RALGAPB: variants seen among roughly 807,000 people sequenced by gnomAD.
The protein encoded by RALGAPB is ral GTPase-activating protein subunit beta.
In RALGAPB, 25 loss-of-function variants were observed where a neutral mutation model predicts 161.1. The ratio of observed to expected loss-of-function variants is 0.16; its 90% CI spans 0.11 to 0.22. The LOEUF is 0.22. Among genes scored for constraint, RALGAPB ranks in the 10% least tolerant of loss-of-function variants. The pLI is 1.00. For synonymous variants in RALGAPB, 629 were observed against 626.1 expected (o/e 1.00, Z -0.07); for missense variants, 1,391 against 1,815.2 (o/e 0.77, Z 4.25).
chr20:38,515,558 A>G (rs2086099854), intron 6 of RALGAPB, among the ~76,000 whole-genome samples: 1 of 152,224 alleles, frequency 6.6e-6, no homozygotes, highest in African/African-American at 2.4e-5. Context: ...TTTGAAATTT[A>G]TGGCTTTAGT....
Position 38,546,398 on chromosome 20 carries a change from C to A in RALGAPB, c.2870C>A (p.Ala957Glu). 6.2e-7 allele frequency: 1 copy of A among 1,614,026 alleles called. No homozygotes were observed. The highest frequency in any genetic ancestry group is 8.5e-7 in the Non-Finnish European group (1 of 1,179,954). Residue 957 changes from alanine (A) to glutamate (E), a missense_variant, in exon 19 of 30, where the codon GCA (alanine) becomes GAA (glutamate). Around this residue, in one of 3 missense-constraint regions of RALGAPB, gnomAD observed 946 missense variants for 1,257.2 expected, o/e 0.75. Coordinates refer to ENST00000262879, the MANE Select transcript of RALGAPB (RefSeq NM_020336.4). ...GTCTTGGATAACAGTGTCATCCTGG[C>A]AATGCTGGAACAACCTCTTGGAAAT... ...YFVLDNSVIL[A>E]MLEQPLGNEQ... is the part of the protein sequence containing the mutation.
chr20:38,525,053 A>T, intron 11 of RALGAPB, 108 bp downstream of exon 11: 2 of 1,121,650 alleles, frequency 1.8e-6, no homozygotes, highest in East Asian at 4.7e-5. Flanking sequence ...TTCATAGTCC[A>T]AGAGAACTCA....
intron 29 of RALGAPB, 86 bp from the exon 30 acceptor site, chr20:38,574,688 C>A (rs905881850): frequency 2.3e-6 from 3 of 1,307,458 alleles, no homozygotes; most frequent in African/African-American, 3.0e-5. Context: ...TTTGAGTATG[C>A]GGAGAATAGT....
intron 3 of RALGAPB, among the ~76,000 whole-genome samples, chr20:38,494,757 A>T (rs1361887029): frequency 6.6e-6 from 1 of 152,236 alleles, no homozygotes; most frequent in African/African-American, 2.4e-5. Context: ...TTAGGAGCCT[A>T]CTAGGCTTTT....
At chr20:38,503,684 GA>G (rs1268378161) in intron 5 of RALGAPB, among the ~76,000 whole-genome samples, 3 of 152,234 alleles carry the variant, frequency 2.0e-5, no homozygotes, top group African/African-American at 7.2e-5. Flanking sequence ...AGTAATGGCA[GA>G]GTTTGAGAGG....
intron 18 of RALGAPB, among the ~76,000 whole-genome samples, chr20:38,542,988 C>T (rs2087023144): frequency 6.6e-6 from 1 of 152,136 alleles, no homozygotes; most frequent in African/African-American, 2.4e-5. Flanking sequence ...AAGCTTGCTC[C>T]ATCCTAGCCT....
At chr20:38,551,671 C>T (rs1156364657) in intron 21 of RALGAPB, among the ~76,000 whole-genome samples, 1 of 152,100 alleles carries the variant, frequency 6.6e-6, no homozygotes, top group Non-Finnish European at 1.5e-5. Flanking sequence ...AGATTTTGAG[C>T]TTGAGTGACA....
At chr20:38,535,021 A>G in intron 15 of RALGAPB, 53 bp from the exon 16 acceptor site, 1 of 1,580,386 alleles carries the variant, frequency 6.3e-7, no homozygotes, top group Non-Finnish European at 8.7e-7. Flanking sequence ...CTCGTTACTA[A>G]TGCTTAGTTG....
At chr20:38,481,262 T>C (rs564249272) in intron 1 of RALGAPB, among the ~76,000 whole-genome samples, 1 of 152,298 alleles carries the variant, frequency 6.6e-6, no homozygotes, top group South Asian at 2.1e-4. Flanking sequence ...ATTCAACATT[T>C]TAATGTTCTA....
At chr20:38,520,148 C>T (rs2086246311) in intron 9 of RALGAPB, 6 of 333,064 alleles carry the variant, frequency 1.8e-5, no homozygotes, top group Non-Finnish European at 2.6e-5. Context: ...TAAAAAGCTT[C>T]TTAATTTATT....
chr20:38,499,383 G>C, intron 4 of RALGAPB, 64 bp from the exon 5 acceptor site: 1 of 1,376,046 alleles, frequency 7.3e-7, no homozygotes, highest in South Asian at 1.5e-5. Context: ...TCCCAAATCA[G>C]TGTCTTAAAG....
intron 22 of RALGAPB, among the ~76,000 whole-genome samples, chr20:38,557,954 T>G (rs776339534): frequency 1.3e-4 from 20 of 152,288 alleles, no homozygotes; most frequent in Admixed American, 7.8e-4. Context: ...CAAACTGTCT[T>G]CCAAAGTAGC....
intron 6 of RALGAPB, among the ~76,000 whole-genome samples, chr20:38,512,257 T>G (rs1290984305): frequency 1.3e-5 from 2 of 152,268 alleles, no homozygotes; most frequent in Non-Finnish European, 2.9e-5. Flanking sequence ...TCACTGATTC[T>G]TCTGAGATAT....
rs781098368 is a variant in RALGAPB at position 38,567,184 on chromosome 20, A to G, written c.3906A>G (p.Thr1302=). The change falls in exon 26 of 30, where the codon ACA becomes ACG. Residue 1302 remains threonine (T), a synonymous_variant. Transcript: ENST00000262879. ...MPGILKQPSL[T]LELFPNHTDN... ...GAATTCTGAAACAGCCATCCCTGAC[A>G]CTTGAGCTTTTCCCCAATCATACAG... 6.2e-7 allele frequency: 1 copy of G among 1,613,738 alleles called. No homozygotes were observed. Among genetic ancestry groups the G allele is most frequent in the Middle Eastern group, 1.7e-4 (1 of 6,060 alleles).
Position 38,551,058 on chromosome 20 carries a change from CT to C in RALGAPB, c.3010-11del, listed in dbSNP as rs776863125. The C allele has an allele frequency of 6.2e-7, 1 of 1,612,902 alleles. No individual in the cohort carries two copies. The highest frequency in any genetic ancestry group is 8.5e-7 in the Non-Finnish European group (1 of 1,179,054). ...ACCCTGTGTAATAAACATAATGTTA[CT>C]TGTTTTAACAGCTTTTTGTACCTGA... On this transcript the variant is annotated splice_polypyrimidine_tract_variant and intron_variant, in intron 20 of 29. Coordinates refer to ENST00000262879, the MANE Select transcript of RALGAPB (RefSeq NM_020336.4).
chr20:38,563,018 T>A (rs1319211340), intron 24 of RALGAPB, among the ~76,000 whole-genome samples: 1 of 152,134 alleles, frequency 6.6e-6, no homozygotes, highest in Non-Finnish European at 1.5e-5. Flanking sequence ...GGAGCTATGA[T>A]CATGCCACAG....
Position 38,521,537 on chromosome 20 carries a change from G to A in RALGAPB, c.1458G>A (p.Gly486=). 6.2e-7 allele frequency: 1 copy of A among 1,614,114 alleles called. No homozygotes were observed. Among genetic ancestry groups the A allele is most frequent in the Non-Finnish European group, 8.5e-7 (1 of 1,180,006 alleles). ...CTAGCATGGAGTTTCGACGGAAAGG[G>A]TCACAAATGTCCACAGACACCATGG... ...TQASMEFRRK[G]SQMSTDTMVS... is the part of the protein sequence containing the mutation. The change falls in exon 10 of 30, where the codon GGG becomes GGA. Residue 486 remains glycine (G), a synonymous_variant. Transcript: ENST00000262879.
chr20:38,562,343 G>C (rs2087813771), intron 23 of RALGAPB, among the ~76,000 whole-genome samples, 189 bp from the exon 24 acceptor site: 1 of 152,154 alleles, frequency 6.6e-6, no homozygotes, highest in South Asian at 2.1e-4. Flanking sequence ...ACTTGCCCAA[G>C]GCTCAGCCAA....
At chr20:38,504,157 G>C (rs1283545864) in intron 5 of RALGAPB, among the ~76,000 whole-genome samples, 1 of 152,152 alleles carries the variant, frequency 6.6e-6, no homozygotes, top group African/African-American at 2.4e-5. Context: ...AAAGCTGGAG[G>C]CTTCACATTA....
Sources: allele counts gnomAD v4.1 joint callset (sites outside exome capture counted in the v4.1 genomes callset), GRCh38; gene constraint gnomAD v4.1.1; regional missense constraint gnomAD v4.1.1; transcripts MANE v1.5; gene names NCBI Gene and HGNC (gene_info 2026-07-23, HGNC 2026-07-21).